CMIP: variants seen among roughly 807,000 people sequenced by gnomAD.
CMIP encodes C-Maf-inducing protein.
A neutral mutation model predicts 97.3 loss-of-function variants in CMIP; 13 were observed. The ratio of observed to expected loss-of-function variants is 0.13; its 90% confidence interval spans 0.09 to 0.21. The LOEUF (loss-of-function observed/expected upper bound fraction) is 0.21, where lower values mean the gene tolerates loss of function less well. CMIP is among the 10% of genes least tolerant of loss of function. The pLI, the probability that CMIP is intolerant of heterozygous loss-of-function variation, is 1.00. For missense variants in CMIP, 847 were observed against 1,024.9 expected (o/e 0.83, Z 2.37); for synonymous variants, 538 against 436.3 (o/e 1.23, Z -2.91).
intron 3 of CMIP, among the ~76,000 whole-genome samples, chr16:81,638,535 C>T (rs916693415): frequency 1.3e-5 from 2 of 152,042 alleles, no homozygotes; most frequent in Non-Finnish European, 2.9e-5. Flanking sequence ...GAGCATAACA[C>T]GCCCGAGGCG....
chr16:81,626,887 G>A, intron 3 of CMIP, among the ~76,000 whole-genome samples: 1 of 148,956 alleles, frequency 6.7e-6, no homozygotes, highest in East Asian at 2.1e-4. Flanking sequence ...TTATGTGTGT[G>A]TGTGTGGCCT....
intron 1 of CMIP, among the ~76,000 whole-genome samples, chr16:81,515,915 C>T (rs1490042493): frequency 3.9e-5 from 6 of 152,206 alleles, no homozygotes; most frequent in Non-Finnish European, 8.8e-5. Flanking sequence ...CTGATGGCAC[C>T]TGCAACTCCT....
intron 8 of CMIP, among the ~76,000 whole-genome samples, chr16:81,671,655 C>T (rs1239797413): frequency 6.6e-6 from 1 of 152,202 alleles, no homozygotes; most frequent in Non-Finnish European, 1.5e-5. Flanking sequence ...GGCTGCTATC[C>T]TCATTTTATC....
intron 10 of CMIP, among the ~76,000 whole-genome samples, chr16:81,684,604 C>T (rs1468498013): frequency 6.6e-6 from 1 of 152,248 alleles, no homozygotes; most frequent in Non-Finnish European, 1.5e-5. Flanking sequence ...TCAGTCCCAA[C>T]ATGTCCCCCA....
chr16:81,525,404 A>G (rs4888151), intron 1 of CMIP, among the ~76,000 whole-genome samples: 16 of 151,898 alleles, frequency 1.1e-4, no homozygotes, highest in African/African-American at 3.9e-4. Context: ...CGGCCTCCCA[A>G]AGTGCTGGGA....
chr16:81,481,063 C>T (rs546678141), intron 1 of CMIP, among the ~76,000 whole-genome samples: 1 of 152,314 alleles, frequency 6.6e-6, no homozygotes, highest in African/African-American at 2.4e-5. Flanking sequence ...GGGCTTTGGC[C>T]CGGCTGTCTC....
At chr16:81,549,332 G>C (rs921246286) in intron 1 of CMIP, among the ~76,000 whole-genome samples, 1 of 152,184 alleles carries the variant, frequency 6.6e-6, no homozygotes, top group Non-Finnish European at 1.5e-5. Flanking sequence ...AAAATGCCGG[G>C]CTTGCAAATG....
At chr16:81,693,810 G>A (rs1413262907) in intron 13 of CMIP, among the ~76,000 whole-genome samples, 1 of 152,204 alleles carries the variant, frequency 6.6e-6, no homozygotes, top group Non-Finnish European at 1.5e-5. Context: ...GTCTGGTTCT[G>A]CTATTATGTG....
chr16:81,640,292 C>G (rs1020441028), intron 3 of CMIP, among the ~76,000 whole-genome samples: 6 of 151,088 alleles, frequency 4.0e-5, no homozygotes, highest in Non-Finnish European at 7.4e-5. Context: ...TCAGGCCCCC[C>G]CCCCCCCAAT....
chr16:81,690,466 G>T (rs1905929182), intron 10 of CMIP, among the ~76,000 whole-genome samples: 1 of 152,176 alleles, frequency 6.6e-6, no homozygotes, highest in African/African-American at 2.4e-5. Flanking sequence ...ATCCACCAAG[G>T]CCAGGCATGG....
At chr16:81,543,030 T>C (rs1361402924) in intron 1 of CMIP, among the ~76,000 whole-genome samples, 1 of 152,190 alleles carries the variant, frequency 6.6e-6, no homozygotes, top group East Asian at 1.9e-4. Context: ...TGGGAGCCAG[T>C]CCGTTCCACG....
At chr16:81,533,556 G>T (rs1361451921) in intron 1 of CMIP, among the ~76,000 whole-genome samples, 3 of 152,154 alleles carry the variant, frequency 2.0e-5, no homozygotes, top group African/African-American at 4.8e-5. Flanking sequence ...TTGGCTCACT[G>T]CAGCCTCCGT....
intron 10 of CMIP, among the ~76,000 whole-genome samples, 181 bp downstream of exon 10, chr16:81,678,809 G>A (rs570552250): frequency 1.3e-5 from 2 of 152,394 alleles, no homozygotes; most frequent in South Asian, 2.1e-4. Flanking sequence ...GTGTGGCTGT[G>A]AGTACAGGCA....
chr16:81,610,085 C>T (rs532121702), intron 2 of CMIP, among the ~76,000 whole-genome samples: 12 of 152,274 alleles, frequency 7.9e-5, no homozygotes, highest in South Asian at 6.2e-4. Flanking sequence ...CTTTCCTGCT[C>T]CACCAGCAAA....
intron 1 of CMIP, among the ~76,000 whole-genome samples, chr16:81,552,970 A>G (rs2090688331): frequency 6.6e-6 from 1 of 152,152 alleles, no homozygotes; most frequent in Admixed American, 6.5e-5. Context: ...GGGGTTTGGG[A>G]GTCCCCTCCC....
intron 1 of CMIP, among the ~76,000 whole-genome samples, chr16:81,588,200 C>T (rs972833003): frequency 6.6e-6 from 1 of 152,192 alleles, no homozygotes; most frequent in African/African-American, 2.4e-5. Flanking sequence ...TTGGCCGTCT[C>T]GGAGCTCTCT....
At chr16:81,547,902 G>A (rs765899571) in intron 1 of CMIP, among the ~76,000 whole-genome samples, 4 of 152,148 alleles carry the variant, frequency 2.6e-5, no homozygotes, top group Non-Finnish European at 5.9e-5. Context: ...AGGGAGCCAG[G>A]CAGGCCTCTT....
chr16:81,552,021 C>T (rs947796289), intron 1 of CMIP, among the ~76,000 whole-genome samples: 3 of 152,182 alleles, frequency 2.0e-5, no homozygotes, highest in African/African-American at 7.2e-5. Context: ...TCTGCAGCCT[C>T]GGCGGCAGGG....
intron 1 of CMIP, among the ~76,000 whole-genome samples, chr16:81,532,727 G>A (rs2090263461): frequency 6.6e-6 from 1 of 152,190 alleles, no homozygotes; most frequent in Admixed American, 6.5e-5. Context: ...AGAGTGTTGG[G>A]ATGTGGAGGG....
Sources: gnomAD v4.1 joint callset for allele counts (sites outside exome capture counted in the v4.1 genomes callset) on GRCh38, gnomAD v4.1.1 for gene constraint, MANE v1.5 for transcripts, NCBI Gene and HGNC (gene_info 2026-07-23, HGNC 2026-07-21) for gene names.